The following RALY variants were observed in gnomAD, a reference collection of about 807,000 sequenced individuals.
The protein encoded by RALY is RALY heterogeneous nuclear ribonucleoprotein.
In RALY, 15 loss-of-function variants were observed where a neutral mutation model predicts 30.7. That is an observed-to-expected ratio of 0.49 (90% confidence interval 0.33 to 0.75). RALY has a LOEUF of 0.75. Among genes scored for constraint, RALY ranks in the 30% least tolerant of loss-of-function variants. The probability of loss-of-function intolerance (pLI) is 0.02; values close to 1 mark genes in which losing one functional copy is unlikely to be tolerated. For synonymous variants in RALY, 177 were observed against 170.8 expected, an observed-to-expected ratio of 1.04 and a Z score of -0.28; for missense variants, 339 against 414.3, an observed-to-expected ratio of 0.82 and a Z score of 1.58.
At chr20:34,031,211 ATTTTTT>A (rs11297874) in intron 1 of RALY, among the ~76,000 whole-genome samples, 1 of 110,872 alleles carries the variant, frequency 9.0e-6, no homozygotes, top group Non-Finnish European at 1.8e-5. Flanking sequence ...TGCCTGGCTA[ATTTTTT>A]TTTTTTTTTT....
In RALY at chr20:34,057,088, A is replaced by G. The variant is rs542251826; in HGVS notation, c.-9-14978A>G. 3.3e-5 allele frequency among the ~76,000 whole-genome samples: 5 copies of G among 152,352 alleles called. 1 individual carries two copies. Among genetic ancestry groups the G allele is most frequent in the Admixed American group, 1.3e-4 (2 of 15,300 alleles). ...TTTTAAAGCAGTAGTGTAAAAAATG[A>G]TGCTTACCGAAAACTATGCGGCAGT... On this transcript the variant is annotated intron_variant, in intron 2 of 9. Coordinates refer to ENST00000246194, the MANE Select transcript of RALY (RefSeq NM_016732.3).
At chr20:34,039,848 C>T (rs1340812604) in intron 2 of RALY, among the ~76,000 whole-genome samples, 1 of 152,156 alleles carries the variant, frequency 6.6e-6, no homozygotes, top group Non-Finnish European at 1.5e-5. Context: ...CGCGGTGGCT[C>T]ATGCCTGTAA....
At chr20:34,075,822 G>T (rs548714887) in intron 5 of RALY, 52 bp from the exon 6 acceptor site, 7 of 1,566,644 alleles carry the variant, frequency 4.5e-6, no homozygotes, top group Admixed American at 1.8e-5. Context: ...CTGCAATACC[G>T]CCCTGGTGGC....
intron 1 of RALY, among the ~76,000 whole-genome samples, chr20:34,003,634 GTTTTTT>G (rs775178178): frequency 8.9e-6 from 1 of 112,958 alleles, no homozygotes; most frequent in Non-Finnish European, 1.7e-5. Context: ...ATGCCAAACA[GTTTTTT>G]TTTTTTTTTT....
chr20:34,043,526 T>C (rs930252415), intron 2 of RALY, among the ~76,000 whole-genome samples: 1 of 152,224 alleles, frequency 6.6e-6, no homozygotes, highest in Non-Finnish European at 1.5e-5. Flanking sequence ...ACAGATCTTA[T>C]TCCTGTGACT....
chr20:34,029,512 GATGAT>G (rs2032188878), intron 1 of RALY, among the ~76,000 whole-genome samples: 1 of 111,532 alleles, frequency 9.0e-6, no homozygotes, highest in African/African-American at 4.4e-5. Context: ...GAGGGAGGGA[GATGAT>G]TTGGATGTAG....
chr20:34,028,992 AC>A (rs920271680), intron 1 of RALY, among the ~76,000 whole-genome samples: 1 of 151,994 alleles, frequency 6.6e-6, no homozygotes, highest in African/African-American at 2.4e-5. Flanking sequence ...TGTCATTAGG[AC>A]CATTAGTCTG....
chr20:34,003,328 C>T (rs537617082), intron 1 of RALY, among the ~76,000 whole-genome samples: 9 of 152,076 alleles, frequency 5.9e-5, no homozygotes, highest in African/African-American at 1.2e-4. Context: ...CAAATTAGAA[C>T]GTTGTAAAAT....
chr20:34,049,725 A>G (rs1430699350), intron 2 of RALY, among the ~76,000 whole-genome samples: 5 of 152,200 alleles, frequency 3.3e-5, no homozygotes, highest in Non-Finnish European at 7.3e-5. Flanking sequence ...TGACTTAGGA[A>G]ATTTCCCCAC....
intron 1 of RALY, among the ~76,000 whole-genome samples, chr20:34,015,439 A>G (rs527298246): frequency 1.3e-5 from 2 of 152,080 alleles, no homozygotes; most frequent in African/African-American, 4.8e-5. Flanking sequence ...CACTTTTCCT[A>G]GGTAACCCAA....
intron 3 of RALY, 106 bp from the exon 4 acceptor site, chr20:34,073,455 ATG>A (rs2033787635): frequency 4.9e-6 from 5 of 1,023,096 alleles, no homozygotes; most frequent in Admixed American, 3.6e-5. Flanking sequence ...AGCAGAATCC[ATG>A]TGTATACCGT....
chr20:34,030,872 A>AT (rs1413232152), intron 1 of RALY, among the ~76,000 whole-genome samples: 1 of 151,956 alleles, frequency 6.6e-6, no homozygotes, highest in African/African-American at 2.4e-5. Context: ...AGATCTTTTC[A>AT]TGTCTTACCC....
At chr20:34,011,560 G>T (rs1216425409) in intron 1 of RALY, among the ~76,000 whole-genome samples, 1 of 152,170 alleles carries the variant, frequency 6.6e-6, no homozygotes, top group Non-Finnish European at 1.5e-5. Flanking sequence ...TTCTGAGTCT[G>T]GCTCCTTCAG....
intron 2 of RALY, among the ~76,000 whole-genome samples, chr20:34,055,765 G>A (rs1168186601): frequency 1.3e-5 from 2 of 152,118 alleles, no homozygotes; most frequent in Non-Finnish European, 2.9e-5. Flanking sequence ...TAATAAACTT[G>A]TTAATATCTT....
chr20:34,069,468 A>G (rs374608260), intron 2 of RALY, among the ~76,000 whole-genome samples: 1 of 151,932 alleles, frequency 6.6e-6, no homozygotes, highest in African/African-American at 2.4e-5. Flanking sequence ...CTCTATCCAC[A>G]CCCCAGGCTT....
chr20:34,052,506 A>T (rs1283962836), intron 2 of RALY, among the ~76,000 whole-genome samples: 4 of 152,240 alleles, frequency 2.6e-5, no homozygotes. Context: ...TTTTCTAGCC[A>T]GCAAATCCTA....
At chr20:34,025,899 GTTTT>G (rs35827160) in intron 1 of RALY, among the ~76,000 whole-genome samples, 2 of 75,918 alleles carry the variant, frequency 2.6e-5, no homozygotes, top group Admixed American at 1.8e-4. Context: ...ATTCCTGGTT[GTTTT>G]TTTTTTTTTT....
rs186431645 is a variant in RALY at position 34,022,792 on chromosome 20, G to A, written c.-92-8730G>A. Among the ~76,000 whole-genome samples the A allele has an allele frequency of 1.4e-3, 220 of 152,246 alleles. 3 individuals carry two copies. In the South Asian group the frequency reaches 0.029, roughly 20 times the overall value. On this transcript the variant is annotated intron_variant, in intron 1 of 9. Transcript: ENST00000246194. ...TTCATTTCATGTCTCTGGCCCTTCT[G>A]TAGGCTCCAGTGCAGATTATCTTCA...
intron 1 of RALY, among the ~76,000 whole-genome samples, chr20:34,006,881 A>C (rs2031183298): frequency 6.6e-6 from 1 of 152,196 alleles, no homozygotes; most frequent in Non-Finnish European, 1.5e-5. Flanking sequence ...CCCCGTTGCT[A>C]AGTGATGCAT....
Sources: allele counts gnomAD v4.1 joint callset (sites outside exome capture counted in the v4.1 genomes callset), GRCh38; gene constraint gnomAD v4.1.1; transcripts MANE v1.5; gene names NCBI Gene and HGNC (gene_info 2026-07-23, HGNC 2026-07-21).